SDK1: variants seen among roughly 807,000 people sequenced by gnomAD.
SDK1 encodes the protein protein sidekick-1.
SDK1 carries 157 observed loss-of-function variants against 245.5 expected under a neutral mutation model. The ratio of observed to expected loss-of-function variants is 0.64; its 90% CI spans 0.56 to 0.73. SDK1 has a LOEUF of 0.73. Among genes scored for constraint, SDK1 ranks in the 30% least tolerant of loss-of-function variants. The pLI, the probability that SDK1 is intolerant of heterozygous loss-of-function variation, is 0.00. For missense variants in SDK1, 3,583 were observed against 3,002.3 expected (o/e 1.19, Z -4.52); for synonymous variants, 1,647 against 1,278.5 (o/e 1.29, Z -6.15).
intron 1 of SDK1, among the ~76,000 whole-genome samples, chr7:3,591,817 C>G (rs1214926700): frequency 2.6e-5 from 4 of 152,112 alleles, no homozygotes; most frequent in East Asian, 1.9e-4. Flanking sequence ...CAAAATTTAT[C>G]CAATGGGAGG....
chr7:3,812,262 G>C (rs1779403483), intron 4 of SDK1, among the ~76,000 whole-genome samples: 1 of 152,310 alleles, frequency 6.6e-6, no homozygotes, highest in African/African-American at 2.4e-5. Flanking sequence ...AATACTTAGA[G>C]ATTCCCTTCT....
At chr7:3,476,040 T>C (rs191442081) in intron 1 of SDK1, 13 of 152,826 alleles carry the variant, frequency 8.5e-5, no homozygotes, top group Admixed American at 8.5e-4. Flanking sequence ...AAAAAGTCTG[T>C]ATTTTTAAAA....
intron 1 of SDK1, among the ~76,000 whole-genome samples, chr7:3,614,855 C>T (rs570969649): frequency 1.3e-5 from 2 of 151,902 alleles, no homozygotes; most frequent in South Asian, 2.1e-4. Flanking sequence ...CATAATTTTA[C>T]GGCCATTTGG....
intron 4 of SDK1, among the ~76,000 whole-genome samples, chr7:3,817,486 A>G (rs562277548): frequency 6.6e-6 from 1 of 152,074 alleles, no homozygotes; most frequent in South Asian, 2.1e-4. Flanking sequence ...GTATACTCTT[A>G]CTCTTCCTTC....
chr7:3,697,455 G>C (rs896889605), intron 4 of SDK1, among the ~76,000 whole-genome samples: 1 of 152,186 alleles, frequency 6.6e-6, no homozygotes, highest in African/African-American at 2.4e-5. Context: ...CTTCAGCTCT[G>C]CTTCATTAGA....
intron 5 of SDK1, among the ~76,000 whole-genome samples, chr7:3,904,020 C>G (rs996624501): frequency 2.6e-5 from 4 of 152,100 alleles, no homozygotes; most frequent in Non-Finnish European, 5.9e-5. Context: ...TGCAGACGTC[C>G]AATCTTGAAC....
chr7:4,012,779 G>A (rs1378022677), intron 16 of SDK1, among the ~76,000 whole-genome samples: 1 of 151,654 alleles, frequency 6.6e-6, no homozygotes, highest in Non-Finnish European at 1.5e-5. Flanking sequence ...TCACCATGGT[G>A]ACCAAGCTGG....
intron 4 of SDK1, among the ~76,000 whole-genome samples, chr7:3,681,186 C>G: frequency 8.8e-6 from 1 of 113,918 alleles, no homozygotes; most frequent in East Asian, 2.5e-4. Context: ...AGTATGCCCC[C>G]GAGTGCTATA....
intron 12 of SDK1, among the ~76,000 whole-genome samples, chr7:3,972,458 C>G (rs1782563765): frequency 6.6e-6 from 1 of 152,174 alleles, no homozygotes; most frequent in Non-Finnish European, 1.5e-5. Flanking sequence ...TATGAGACTC[C>G]AGGTGAAGTT....
At chr7:3,548,501 C>T (rs901181245) in intron 1 of SDK1, among the ~76,000 whole-genome samples, 1 of 152,084 alleles carries the variant, frequency 6.6e-6, no homozygotes, top group African/African-American at 2.4e-5. Context: ...TAACATTTGA[C>T]TTTTTATTTT....
rs56306302 is a variant in SDK1, at chr7:3,504,182, ATGTG to A, written c.299-114870_299-114867del. Among the ~76,000 whole-genome samples, 256 of 131,936 alleles carry A rather than the reference ATGTG, an allele frequency of 1.9e-3. 4 individuals are homozygous for A. The highest frequency in any genetic ancestry group is 4.6e-3 in the African/African-American group (162 of 35,590). 86.6% of individuals were successfully genotyped at this position (131,936 alleles called of 152,430 possible). A position where few individuals can be genotyped will look rare whatever the true frequency, so the allele number is the denominator to read the frequency against. On this transcript the variant is annotated intron_variant, in intron 1 of 44. Coordinates refer to ENST00000404826, the MANE Select transcript of SDK1 (RefSeq NM_152744.4). ...AACCAAAAAAATTATATATATATAT[ATGTG>A]TGTGTGTGTGTGTGTGTGTGTGTGT...
chr7:3,796,662 G>T (rs1778968937), intron 4 of SDK1, among the ~76,000 whole-genome samples: 1 of 152,194 alleles, frequency 6.6e-6, no homozygotes, highest in Admixed American at 6.5e-5. Flanking sequence ...TCCTTTGGCT[G>T]CCCCCAGGTT....
chr7:3,901,194 TC>T lies in SDK1; in HGVS notation c.848-49728del, dbSNP rs1356210074. On this transcript the variant is annotated intron_variant, in intron 5 of 44. Transcript: ENST00000404826. ...GTTAACTGTCTTTTTTTTTCTTTTT[TC>T]TTTTTTTTTCCCGACAGAGTCTTGC... Among the ~76,000 whole-genome samples, 6 of 152,084 alleles carry T rather than the reference TC, an allele frequency of 3.9e-5. No individual in the cohort carries two copies. In the East Asian group the frequency reaches 1.2e-3, roughly 29 times the overall value.
intron 22 of SDK1, among the ~76,000 whole-genome samples, chr7:4,090,793 C>G (rs1490377138): frequency 6.6e-6 from 1 of 152,192 alleles, no homozygotes; most frequent in African/African-American, 2.4e-5. Context: ...GTACATATAT[C>G]TATAGCTAGG....
At chr7:4,037,178 G>C (rs113501578) in intron 17 of SDK1, among the ~76,000 whole-genome samples, 5,082 of 152,274 alleles carry the variant, frequency 0.033, 113 homozygotes, top group Non-Finnish European at 0.05. Flanking sequence ...GAATAATATT[G>C]TTTGAAGATG....
At chr7:3,654,040 G>T (rs994407980) in intron 4 of SDK1, among the ~76,000 whole-genome samples, 1 of 152,096 alleles carries the variant, frequency 6.6e-6, no homozygotes, top group South Asian at 2.1e-4. Flanking sequence ...TCATCTTTCT[G>T]TGGCTCTCTG....
chr7:3,934,803 C>T (rs1223341749), intron 5 of SDK1, among the ~76,000 whole-genome samples: 1 of 152,146 alleles, frequency 6.6e-6, no homozygotes, highest in Non-Finnish European at 1.5e-5. Flanking sequence ...GTGCACTGAG[C>T]GGTGACCCCA....
intron 40 of SDK1, among the ~76,000 whole-genome samples, chr7:4,225,257 C>T (rs1293106363): frequency 6.6e-6 from 1 of 152,178 alleles, no homozygotes; most frequent in Non-Finnish European, 1.5e-5. Flanking sequence ...CAGACTTGCT[C>T]TCCGTTGTTT....
chr7:3,488,811 G>C (rs1402498507), intron 1 of SDK1, among the ~76,000 whole-genome samples: 1 of 152,012 alleles, frequency 6.6e-6, no homozygotes, highest in African/African-American at 2.4e-5. Flanking sequence ...TTGTCTCATA[G>C]GCTGGCTGTC....
Sources: allele counts gnomAD v4.1 joint callset (sites outside exome capture counted in the v4.1 genomes callset), GRCh38; gene constraint gnomAD v4.1.1; transcripts MANE v1.5; gene names NCBI Gene and HGNC (gene_info 2026-07-23, HGNC 2026-07-21).